The following ZSCAN26 variants were observed in gnomAD, a reference collection of about 807,000 sequenced individuals.
ZSCAN26 encodes the protein zinc finger and SCAN domain containing 26.
A neutral mutation model predicts 23.0 loss-of-function variants in ZSCAN26; 26 were observed. The ratio of observed to expected loss-of-function variants is 1.13; its 90% confidence interval spans 0.83 to 1.57. ZSCAN26 has a LOEUF of 1.57. Ranked by LOEUF, ZSCAN26 falls within the 40% of genes most tolerant of loss-of-function variation. ZSCAN26 has a pLI of 0.00. For synonymous variants in ZSCAN26, 180 were observed against 202.5 expected, an observed-to-expected ratio of 0.89 and a Z score of 0.94; for missense variants, 528 against 568.5, an observed-to-expected ratio of 0.93 and a Z score of 0.72.
intron 3 of ZSCAN26, 113 bp from the exon 4 acceptor site, chr6:28,276,082 T>C: frequency 2.2e-6 from 2 of 906,066 alleles, no homozygotes; most frequent in Non-Finnish European, 3.3e-6. Flanking sequence ...GCATCCACAA[T>C]GTTTTTACTT....
chr6:28,272,080 T>A lies in ZSCAN26; in HGVS notation c.161T>A (p.Phe54Tyr), dbSNP rs563307562. The change falls in exon 2 of 4, where the codon TTC becomes TAC. Residue 54 changes from phenylalanine (F) to tyrosine (Y), a missense_variant. By Grantham distance (22) the Phe-to-Tyr change is conservative (BLOSUM62 3). Coordinates refer to ENST00000421553, the MANE Select transcript of ZSCAN26 (RefSeq NM_001023560.4). ...GGACAGGAGCCATTGTGCAAACAATTCAGGCAGTTGCGTTATGAAGAGACC... is the reference window on the plus strand; with the variant it reads ...GGACAGGAGCCATTGTGCAAACAATACAGGCAGTTGCGTTATGAAGAGACC... ...GLGQEPLCKQ[F>Y]RQLRYEETTG... 590 of 1,569,284 alleles carry A rather than the reference T, an allele frequency of 3.8e-4. 2 individuals are homozygous for A. In the Admixed American group the frequency reaches 8.8e-3, roughly 23 times the overall value.
At chr6:28,274,539 A>T (rs914392282) in intron 3 of ZSCAN26, among the ~76,000 whole-genome samples, 3 of 152,208 alleles carry the variant, frequency 2.0e-5, no homozygotes, top group Non-Finnish European at 4.4e-5. Context: ...CAGATGTTTG[A>T]GACCAGCCTG....
chr6:28,269,299 C>T (rs771061307), intron 1 of ZSCAN26, among the ~76,000 whole-genome samples: 3 of 151,472 alleles, frequency 2.0e-5, no homozygotes, highest in Admixed American at 6.6e-5. Context: ...ATAAAAAATA[C>T]GAATACAGGT....
In ZSCAN26 at chr6:28,277,026, G is replaced by C; in HGVS notation, c.1370G>C (p.Gly457Ala). The C allele has an allele frequency of 6.2e-7, 1 of 1,614,020 alleles. No individual in the cohort carries two copies. The highest frequency in any genetic ancestry group is 1.3e-5 in the African/African-American group (1 of 75,070). The change falls in exon 4 of 4, where the codon GGA becomes GCA. Residue 457 changes from glycine to alanine, a missense_variant. Coordinates refer to ENST00000421553, the MANE Select transcript of ZSCAN26 (RefSeq NM_001023560.4). The part of the protein sequence containing the change: ...EEKPYQCSEC[G>A]EAFRQRSGLF... ...AAACCCTATCAGTGTAGTGAATGTG[G>C]AGAAGCCTTCAGGCAAAGGTCAGGT...
chr6:28,276,449 T>C lies in ZSCAN26; in HGVS notation c.793T>C (p.Cys265Arg). Reference sequence around the variant, plus strand: ...AAAGAAACTCTGCGAGTCTGATGTGTGTCAGAGTTCCAGTCTTACAGGACA... The same window carrying C: ...AAAGAAACTCTGCGAGTCTGATGTGCGTCAGAGTTCCAGTCTTACAGGACA... ...TGKKLCESDV[C>R]QSSSLTGHKK... Residue 265 changes from cysteine (C) to arginine (R), a missense_variant, in exon 4 of 4, where the codon TGT becomes CGT. Coordinates refer to ENST00000421553, the MANE Select transcript of ZSCAN26 (RefSeq NM_001023560.4). The C allele has an allele frequency of 6.2e-7, 1 of 1,613,988 alleles. No homozygotes were observed. Among genetic ancestry groups the C allele is most frequent in the South Asian group, 1.1e-5 (1 of 91,082 alleles).
In ZSCAN26 at chr6:28,272,083, G is replaced by T; in HGVS notation, c.164G>T (p.Arg55Met). The T allele has an allele frequency of 3.2e-6, 5 of 1,571,888 alleles. No homozygotes were observed. Among genetic ancestry groups the T allele is most frequent in the Non-Finnish European group, 4.3e-6 (5 of 1,158,158 alleles). ...LGQEPLCKQF[R>M]QLRYEETTGP... ...CAGGAGCCATTGTGCAAACAATTCA[G>T]GCAGTTGCGTTATGAAGAGACCACA... The change falls in exon 2 of 4, where the codon AGG (arginine) becomes ATG (methionine). Residue 55 changes from arginine (R) to methionine (M), a missense_variant. Arg to Met is a moderately conservative substitution (Grantham distance 91). Transcript: ENST00000421553.
In ZSCAN26 at chr6:28,272,650, A is replaced by G. The variant is rs1409722321; in HGVS notation, c.421-20A>G. On this transcript the variant is annotated intron_variant, in intron 2 of 3. Transcript: ENST00000421553. ...CCCACATATATCTAATTATGCCTCC[A>G]TATACCTAATTGTCCCTAGGACCCA... is the stretch of plus-strand genomic sequence containing the variant. The G allele has an allele frequency of 6.4e-7, 1 of 1,555,158 alleles. No homozygotes were observed. Among genetic ancestry groups the G allele is most frequent in the East Asian group, 2.3e-5 (1 of 42,708 alleles).
chr6:28,270,909 A>G (rs964489602), intron 1 of ZSCAN26, among the ~76,000 whole-genome samples: 3 of 152,180 alleles, frequency 2.0e-5, no homozygotes. Flanking sequence ...TGCTCATATC[A>G]TTTCCCTTAT....
intron 3 of ZSCAN26, among the ~76,000 whole-genome samples, chr6:28,274,011 C>T (rs1025229323): frequency 2.0e-5 from 3 of 152,082 alleles, no homozygotes; most frequent in African/African-American, 7.2e-5. Context: ...GCAAGCCACT[C>T]GCCCAGCCTC....
intron 1 of ZSCAN26, among the ~76,000 whole-genome samples, chr6:28,267,869 CTTAAAAG>C (rs1482565858): frequency 6.6e-6 from 1 of 152,118 alleles, no homozygotes; most frequent in African/African-American, 2.4e-5. Flanking sequence ...ATCAAGAAAA[CTTAAAAG>C]TTAAGAGTAA....
rs1261889900 is a variant in ZSCAN26, at chr6:28,276,668, C to A, written c.1012C>A (p.Pro338Thr). The change falls in exon 4 of 4, where the codon CCT becomes ACT. Residue 338 changes from proline to threonine, a missense_variant. Pro to Thr is a conservative substitution (Grantham distance 38). Coordinates refer to ENST00000421553, the MANE Select transcript of ZSCAN26 (RefSeq NM_001023560.4). ...TCTCAGAATTCATACTGGAGAGAAACCTTATCTATGTATCCATTGTGGAAA... is the reference window on the plus strand; with the variant it reads ...TCTCAGAATTCATACTGGAGAGAAAACTTATCTATGTATCCATTGTGGAAA... ...EHLRIHTGEK[P>T]YLCIHCGKNF... is the part of the protein sequence containing the mutation. 4 of 1,611,468 alleles carry A rather than the reference C, an allele frequency of 2.5e-6. No individual in the cohort carries two copies. The highest frequency in any genetic ancestry group is 3.4e-6 in the Non-Finnish European group (4 of 1,178,666).
chr6:28,270,428 T>C, intron 1 of ZSCAN26, among the ~76,000 whole-genome samples: 1 of 152,136 alleles, frequency 6.6e-6, no homozygotes, highest in Non-Finnish European at 1.5e-5. Context: ...TCAAGCATAG[T>C]CAAAATCAAG....
intron 3 of ZSCAN26, among the ~76,000 whole-genome samples, chr6:28,273,604 C>T (rs761344090): frequency 3.3e-5 from 5 of 150,686 alleles, no homozygotes; most frequent in Non-Finnish European, 7.4e-5. Flanking sequence ...CAAAGAAAGC[C>T]ACATGCTTCA....
At position 28,276,818 on chromosome 6, in the gene ZSCAN26, A is replaced by C. The variant is rs1240633472; in HGVS notation, c.1162A>C (p.Ile388Leu). Residue 388 changes from isoleucine to leucine, a missense_variant, in exon 4 of 4, where the codon ATC (isoleucine) becomes CTC (leucine). Coordinates refer to ENST00000421553, the MANE Select transcript of ZSCAN26 (RefSeq NM_001023560.4). ...QALLLTHHQR[I>L]HSHSKSHQCN... ...CTTACTCCTCACCCACCATCAGAGA[A>C]TCCATAGTCACTCCAAAAGCCATCA... The C allele has an allele frequency of 6.2e-7, 1 of 1,613,958 alleles. No homozygotes were observed. Among genetic ancestry groups the C allele is most frequent in the Admixed American group, 1.7e-5 (1 of 60,024 alleles).
chr6:28,267,654 G>A (rs887858993), intron 1 of ZSCAN26, among the ~76,000 whole-genome samples: 1 of 152,210 alleles, frequency 6.6e-6, no homozygotes, highest in Non-Finnish European at 1.5e-5. Context: ...GGCGACCTTT[G>A]TAGGGAATGA....
intron 1 of ZSCAN26, among the ~76,000 whole-genome samples, chr6:28,268,242 T>C (rs2113709520): frequency 6.6e-6 from 1 of 152,300 alleles, no homozygotes; most frequent in South Asian, 2.1e-4. Flanking sequence ...CTCATTGTTT[T>C]ATTATGCTGA....
Position 28,272,344 on chromosome 6 carries a change from G to GTTA in ZSCAN26, c.420+5_420+6insTTA. ...GGAGAAACAGGACAACAGGTGGTAA[G>GTTA]GGTCAGATGTGCTCTTTTTCAGGAA... On this transcript the variant is annotated splice_donor_region_variant and intron_variant, in intron 2 of 3. Transcript: ENST00000421553. 2 of 1,498,224 alleles carry GTTA rather than the reference G, an allele frequency of 1.3e-6. No individual in the cohort carries two copies. The highest frequency in any genetic ancestry group is 1.8e-6 in the Non-Finnish European group (2 of 1,121,780). The allele number at this position is 1,498,224 out of a possible 1,614,324, so 92.8% of individuals were successfully genotyped here.
In ZSCAN26 at chr6:28,276,930, G is replaced by T; in HGVS notation, c.1274G>T (p.Cys425Phe). Residue 425 changes from cysteine to phenylalanine, a missense_variant, in exon 4 of 4, where the codon TGT becomes TTT. Coordinates refer to ENST00000421553, the MANE Select transcript of ZSCAN26 (RefSeq NM_001023560.4). ...RIHTGEKPFK[C>F]NICQKAFRLN... ...CATACTGGAGAAAAACCTTTCAAGT[G>T]TAACATATGCCAGAAAGCCTTCCGA... is the stretch of plus-strand genomic sequence containing the variant. The T allele has an allele frequency of 6.2e-7, 1 of 1,613,994 alleles. No individual in the cohort carries two copies. The highest frequency in any genetic ancestry group is 8.5e-7 in the Non-Finnish European group (1 of 1,179,874).
Position 28,276,437 on chromosome 6 carries a change from G to T in ZSCAN26, c.781G>T (p.Glu261Ter), listed in dbSNP as rs569619601. Reference sequence around the variant, plus strand: ...TACACACACGGGAAAGAAACTCTGCGAGTCTGATGTGTGTCAGAGTTCCAG... The same window carrying T: ...TACACACACGGGAAAGAAACTCTGCTAGTCTGATGTGTGTCAGAGTTCCAG... ...ASTHTGKKLCESDVCQSSSLT... is the reference protein window; with the variant it reads ...ASTHTGKKLC The change falls in exon 4 of 4, where the codon GAG (glutamate) becomes TAG (stop). Residue 261 changes from glutamate (E) to a stop codon, truncating the protein, a stop_gained. Transcript: ENST00000421553. LOFTEE classifies it low-confidence loss of function (END_TRUNC). 2 of 1,613,852 alleles carry T rather than the reference G, an allele frequency of 1.2e-6. No individual in the cohort carries two copies. The highest frequency in any genetic ancestry group is 1.7e-6 in the Non-Finnish European group (2 of 1,179,888).
Sources: allele counts gnomAD v4.1 joint callset (sites outside exome capture counted in the v4.1 genomes callset), GRCh38; gene constraint gnomAD v4.1.1; transcripts MANE v1.5; gene names NCBI Gene and HGNC (gene_info 2026-07-23, HGNC 2026-07-21).